The following ABR variants were observed in gnomAD, a reference collection of about 807,000 sequenced individuals.
The protein encoded by ABR is ABR activator of RhoGEF and GTPase.
Under a neutral mutation model 107.2 loss-of-function variants are expected in ABR, and 35 were observed. That is an observed-to-expected ratio of 0.33 (90% CI 0.25 to 0.43). ABR has a LOEUF of 0.43. Among genes scored for constraint, ABR ranks in the 20% least tolerant of loss-of-function variants. The pLI, the probability that ABR is intolerant of heterozygous loss-of-function variation, is 1.00. For missense variants in ABR, 815 were observed against 1,115.2 expected (o/e 0.73, Z 3.83); for synonymous variants, 498 against 462.0 (o/e 1.08, Z -1.00).
intron 4 of ABR, among the ~76,000 whole-genome samples, chr17:1,088,017 A>C (rs1017281262): frequency 6.6e-6 from 1 of 152,226 alleles, no homozygotes; most frequent in African/African-American, 2.4e-5. Flanking sequence ...TTCTCTCAGT[A>C]ACGAATAATC....
chr17:1,038,486 T>C (rs937190186), intron 16 of ABR, among the ~76,000 whole-genome samples: 1 of 152,176 alleles, frequency 6.6e-6, no homozygotes, highest in Non-Finnish European at 1.5e-5. Context: ...GGCGGGTGTG[T>C]CTGGGTCATC....
At chr17:1,109,183 G>C (rs1024589446) in intron 2 of ABR, 2 of 1,333,400 alleles carry the variant, frequency 1.5e-6, no homozygotes, top group African/African-American at 3.1e-5. Flanking sequence ...CCGCGCGCCC[G>C]GCCTGGGGCT....
chr17:1,036,357 G>A (rs1469727970), intron 16 of ABR, among the ~76,000 whole-genome samples: 3 of 152,198 alleles, frequency 2.0e-5, no homozygotes, highest in Admixed American at 6.5e-5. Context: ...GATGGGGACC[G>A]AGGGGATGTG....
chr17:1,084,947 C>T lies in ABR; in HGVS notation c.532-1320G>A, dbSNP rs370724506. Among the ~76,000 whole-genome samples the T allele has an allele frequency of 7.3e-4, 111 of 152,114 alleles. No individual in the cohort carries two copies. Among genetic ancestry groups the T allele is most frequent in the African/African-American group, 2.6e-3 (106 of 41,504 alleles). On this transcript the variant is annotated intron_variant, in intron 4 of 22. Coordinates refer to ENST00000302538, the MANE Select transcript of ABR (RefSeq NM_021962.5). This position sits in a 1 kb window ranked among gnomAD's most constrained non-coding sequence, Gnocchi z 4.2. ...CCTCCCGAGTAGCTGGCGTTACAGG[C>T]GCCCGCCACCACGCCTGGCTAATCT... is the stretch of plus-strand genomic sequence containing the variant.
At chr17:1,218,846 T>C (rs2043061194) in intron 1 of ABR, among the ~76,000 whole-genome samples, 1 of 152,202 alleles carries the variant, frequency 6.6e-6, no homozygotes, top group Non-Finnish European at 1.5e-5. Flanking sequence ...AGTGTACTTC[T>C]AGACTTCTCT....
At chr17:1,013,412 T>A (rs1428061085) in intron 16 of ABR, among the ~76,000 whole-genome samples, 1 of 151,166 alleles carries the variant, frequency 6.6e-6, no homozygotes. Flanking sequence ...GCACACCCTG[T>A]TACCCGCCGT....
In ABR at chr17:1,084,132, G is replaced by A. The variant is rs772808793; in HGVS notation, c.532-505C>T. Among the ~76,000 whole-genome samples the A allele has an allele frequency of 2.6e-5, 4 of 152,194 alleles. No individual in the cohort carries two copies. The highest frequency in any genetic ancestry group is 4.4e-5 in the Non-Finnish European group (3 of 68,024). Reference sequence around the variant, plus strand: ...GTCTTGGCCGGGCGTGGCGGCTCACGCCTGTAACCCCAGCACTTTGGGAGG... The same window carrying A: ...GTCTTGGCCGGGCGTGGCGGCTCACACCTGTAACCCCAGCACTTTGGGAGG... On this transcript the variant is annotated intron_variant, in intron 4 of 22. Coordinates refer to ENST00000302538, the MANE Select transcript of ABR (RefSeq NM_021962.5). This position sits in a 1 kb window ranked among gnomAD's most constrained non-coding sequence, Gnocchi z 4.2.
intron 1 of ABR, among the ~76,000 whole-genome samples, chr17:1,226,159 G>A (rs1029977268): frequency 6.6e-6 from 1 of 152,154 alleles, no homozygotes; most frequent in African/African-American, 2.4e-5. Context: ...GTGGTAATTT[G>A]GGGAATGCTG....
At chr17:1,009,503 CACAG>C (rs1158518051) in intron 21 of ABR, among the ~76,000 whole-genome samples, 172 bp downstream of exon 21, 2 of 152,176 alleles carry the variant, frequency 1.3e-5, no homozygotes, top group Non-Finnish European at 2.9e-5. Context: ...TCTCACTCCC[CACAG>C]ACAGCCCGAT....
At chr17:1,180,140 G>A (rs994341006), upstream of ABR, among the ~76,000 whole-genome samples, 5 of 151,646 alleles carry the variant, frequency 3.3e-5, no homozygotes, top group Admixed American at 6.6e-5. Context: ...GGGCAGCGGG[G>A]CTCCGGCGCT....
intron 12 of ABR, among the ~76,000 whole-genome samples, chr17:1,057,580 G>A (rs561518906): frequency 8.8e-4 from 133 of 150,896 alleles, no homozygotes; most frequent in African/African-American, 3.1e-3. Flanking sequence ...GTTTCACCAC[G>A]TTGCCCAGGC....
rs1453982670 is a variant in ABR, at chr17:1,031,949, C to T, written c.1791+18101G>A. The T allele has an allele frequency of 6.4e-6, 6 of 937,552 alleles. No homozygotes were observed. In the East Asian group the frequency reaches 1.0e-4, roughly 16 times the overall value. The allele number at this position is 937,552 out of a possible 1,614,324, so 58.1% of individuals were successfully genotyped here. ...TCCGCATCCCTCCTTCCCCGCCCTC[C>T]GCGAGGCTGCAGCCCAGGCTGAGCG... On this transcript the variant is annotated intron_variant, in intron 16 of 22. Transcript: ENST00000302538.
At position 1,051,247 on chromosome 17, in the gene ABR, G is replaced by A. The variant is rs1033493953; in HGVS notation, c.1562-613C>T. On this transcript the variant is annotated intron_variant, in intron 14 of 22. Coordinates refer to ENST00000302538, the MANE Select transcript of ABR (RefSeq NM_021962.5). The surrounding 1 kb of genome is among the most constrained non-coding windows in gnomAD (Gnocchi z 4.3). ...TAAACCAAAGGGATCTTCTCTACTC[G>A]TGCGTCCCTAGTCTCTCTCCCCCCA... Among the ~76,000 whole-genome samples the A allele has an allele frequency of 2.0e-5, 3 of 152,060 alleles. No individual in the cohort carries two copies. Among genetic ancestry groups the A allele is most frequent in the Admixed American group, 6.6e-5 (1 of 15,266 alleles).
At chr17:1,109,162 C>CGGG in intron 2 of ABR, 1 of 1,413,816 alleles carries the variant, frequency 7.1e-7, no homozygotes, top group Non-Finnish European at 9.4e-7. Flanking sequence ...GGAGGGGGGG[C>CGGG]AGGTCTACAC....
intron 1 of ABR, among the ~76,000 whole-genome samples, chr17:1,173,931 C>T (rs1188973408): frequency 6.6e-6 from 1 of 152,234 alleles, no homozygotes; most frequent in Non-Finnish European, 1.5e-5. Flanking sequence ...CTCTCCTCAC[C>T]TTCAAAGCAC....
intron 2 of ABR, chr17:1,109,146 C>A (rs1230952563): frequency 2.3e-6 from 1 of 443,404 alleles, no homozygotes; most frequent in Non-Finnish European, 4.1e-6. Context: ...AGGGAGGAGG[C>A]GGGCGGGAGG....
At position 1,050,444 on chromosome 17, in the gene ABR, C is replaced by G. The variant is rs191861958; in HGVS notation, c.1659+93G>C. 1 of 1,235,930 alleles carries G rather than the reference C, an allele frequency of 8.1e-7. No homozygotes were observed. The highest frequency in any genetic ancestry group is 1.2e-6 in the Non-Finnish European group (1 of 840,054). 76.6% of individuals were successfully genotyped at this position (1,235,930 alleles called of 1,614,324 possible). On this transcript the variant is annotated intron_variant, in intron 15 of 22. Transcript: ENST00000302538. The surrounding 1 kb of genome is among the most constrained non-coding windows in gnomAD (Gnocchi z 4.6). The stretch of plus-strand genomic sequence containing the variant: ...AGCAGAAAGGGGGGTGCAGACATAG[C>G]TGGTCCAACCAATGGGCTGGCCGTC...
At chr17:1,056,292 G>A (rs554127717) in intron 13 of ABR, among the ~76,000 whole-genome samples, 183 bp from the exon 14 acceptor site, 1 of 152,188 alleles carries the variant, frequency 6.6e-6, no homozygotes. Flanking sequence ...AGCTGCCCGG[G>A]GTAGGGCTAG....
At chr17:1,075,709 A>G (rs533719823) in intron 6 of ABR, among the ~76,000 whole-genome samples, 1 of 152,350 alleles carries the variant, frequency 6.6e-6, no homozygotes, top group African/African-American at 2.4e-5. Flanking sequence ...CCACTGCTTT[A>G]TGTTTTATTT....
Sources: gnomAD v4.1 joint callset for allele counts (sites outside exome capture counted in the v4.1 genomes callset) on GRCh38, gnomAD v4.1.1 for gene constraint, Gnocchi (gnomAD v3.1) non-coding constraint, MANE v1.5 for transcripts, NCBI Gene and HGNC (gene_info 2026-07-23, HGNC 2026-07-21) for gene names.